Variants in ZCCHC8 observed in about 807,000 individuals in gnomAD.
ZCCHC8 encodes the protein zinc finger CCHC domain-containing protein 8.
ZCCHC8 carries 27 observed loss-of-function variants against 70.6 expected under a neutral mutation model. The ratio of observed to expected loss-of-function variants is 0.38; its 90% CI spans 0.28 to 0.53. The LOEUF is 0.53. Ranked by LOEUF, ZCCHC8 falls within the 20% of genes least tolerant of loss-of-function variation. The pLI is 0.81. For missense variants in ZCCHC8, 737 were observed against 876.9 expected (o/e 0.84, Z 2.01); for synonymous variants, 293 against 317.4 (o/e 0.92, Z 0.82).
intron 2 of ZCCHC8, among the ~76,000 whole-genome samples, chr12:122,497,254 T>C (rs770016881): frequency 1.3e-5 from 2 of 151,638 alleles, no homozygotes; most frequent in African/African-American, 2.4e-5. Flanking sequence ...AAAAAGTTCA[T>C]GTGAGGCCAG....
intron 5 of ZCCHC8, among the ~76,000 whole-genome samples, chr12:122,485,827 C>A (rs1476289389): frequency 6.6e-6 from 1 of 152,140 alleles, no homozygotes; most frequent in Non-Finnish European, 1.5e-5. Context: ...CCCACCACCA[C>A]GCCTGGCTAA....
At position 122,482,681 on chromosome 12, in the gene ZCCHC8, C is replaced by G; in HGVS notation, c.686G>C (p.Cys229Ser). ...GTGTTCTTCAGAACCACAATTGAAACAGTGAGGCTTTGGCCTATTTGGTCA... is the reference window on the plus strand; with the variant it reads ...GTGTTCTTCAGAACCACAATTGAAAGAGTGAGGCTTTGGCCTATTTGGTCA... ...QVKAKRPKPH[C>S]FNCGSEEHQM... The change falls in exon 8 of 14, where the codon TGT becomes TCT. Residue 229 changes from cysteine to serine, a missense_variant. By Grantham distance (112) the Cys-to-Ser change is moderately radical (BLOSUM62 -1). Transcript: ENST00000633063. 1 of 1,607,138 alleles carries G rather than the reference C, an allele frequency of 6.2e-7. No homozygotes were observed. Among genetic ancestry groups the G allele is most frequent in the Non-Finnish European group, 8.5e-7 (1 of 1,176,232 alleles).
At chr12:122,492,941 G>C (rs1780148022) in intron 2 of ZCCHC8, among the ~76,000 whole-genome samples, 152 bp from the exon 3 acceptor site, 1 of 151,862 alleles carries the variant, frequency 6.6e-6, no homozygotes. Context: ...TGAGATCTTG[G>C]ATCACTGCAA....
intron 1 of ZCCHC8, 171 bp from the exon 2 acceptor site, chr12:122,499,040 G>C: frequency 4.6e-6 from 3 of 648,714 alleles, no homozygotes; most frequent in South Asian, 1.9e-5. Context: ...GTAGGCTTTT[G>C]AAACCCAAAA....
intron 2 of ZCCHC8, among the ~76,000 whole-genome samples, chr12:122,494,137 C>T (rs1957789527): frequency 6.6e-6 from 1 of 152,182 alleles, no homozygotes; most frequent in Admixed American, 6.5e-5. Flanking sequence ...TAATATATCC[C>T]ATGGGTAGCC....
At position 122,481,544 on chromosome 12, in the gene ZCCHC8, C is replaced by A; in HGVS notation, c.996G>T (p.Gly332=). ...TACCTTTTCCATCATAGAGTGCAAG[C>A]CCCGAATTCTCCAATTCAGCCTCTT... ...WLKEAELENS[G]LALYDGKDGT... is the part of the protein sequence containing the mutation. The change falls in exon 10 of 14, where the codon GGG becomes GGT. Residue 332 remains glycine (G), a synonymous_variant. Transcript: ENST00000633063. 1 of 1,613,734 alleles carries A rather than the reference C, an allele frequency of 6.2e-7. No individual in the cohort carries two copies. The highest frequency in any genetic ancestry group is 8.5e-7 in the Non-Finnish European group (1 of 1,179,834).
intron 5 of ZCCHC8, among the ~76,000 whole-genome samples, chr12:122,486,562 C>A (rs1957644842): frequency 6.6e-6 from 1 of 151,994 alleles, no homozygotes; most frequent in African/African-American, 2.4e-5. Flanking sequence ...GTGCTCCAGA[C>A]TCCAAGGGCC....
intron 2 of ZCCHC8, among the ~76,000 whole-genome samples, chr12:122,496,863 T>C (rs968338911): frequency 2.0e-5 from 3 of 152,288 alleles, no homozygotes; most frequent in East Asian, 3.9e-4. Flanking sequence ...ATTTGAAATA[T>C]TGGCCGGGTG....
Position 122,490,529 on chromosome 12 carries a change from A to C in ZCCHC8, c.356T>G (p.Leu119Ter). ...CTGCTGTTCCTCAAATCTTTTTACT[A>C]AATTTGATACAAATTCCTCTATTTC... Reference protein sequence around the residue: ...HQEIEEFVSNLVKRFEEQQKN... With the variant: ...HQEIEEFVSN The change falls in exon 4 of 14, where the codon TTA becomes TGA. Residue 119 changes from leucine (L) to a stop codon, truncating the protein, a stop_gained. Coordinates refer to ENST00000633063, the MANE Select transcript of ZCCHC8 (RefSeq NM_017612.5). LOFTEE classifies it high-confidence loss of function. The C allele has an allele frequency of 1.2e-6, 2 of 1,611,724 alleles. No homozygotes were observed. The highest frequency in any genetic ancestry group is 1.7e-6 in the Non-Finnish European group (2 of 1,178,840).
chr12:122,500,482 C>CCG lies in ZCCHC8; in HGVS notation c.199+159_199+160insCG, dbSNP rs374200543. Reference sequence around the variant, plus strand: ...CAGCCTGCGCGCCCCGAACCCTAGACTCTCGGTCCGCCGGCGGGTGACAGA... The same window carrying CCG: ...CAGCCTGCGCGCCCCGAACCCTAGACCGTCTCGGTCCGCCGGCGGGTGACAGA... On this transcript the variant is annotated intron_variant, in intron 1 of 13. Coordinates refer to ENST00000633063, the MANE Select transcript of ZCCHC8 (RefSeq NM_017612.5). The surrounding 1 kb of genome is among the most constrained non-coding windows in gnomAD (Gnocchi z 4.8). 1,534 of 998,048 alleles carry CCG rather than the reference C, an allele frequency of 1.5e-3. 26 individuals carry two copies. Among genetic ancestry groups the CCG allele is most frequent in the South Asian group, 0.012 (719 of 58,680 alleles). 61.8% of individuals were successfully genotyped at this position (998,048 alleles called of 1,614,324 possible). A position where few individuals can be genotyped will look rare whatever the true frequency, so the allele number is the denominator to read the frequency against.
At position 122,474,049 on chromosome 12, in the gene ZCCHC8, C is replaced by A. The variant is rs757213035; in HGVS notation, c.1572G>T (p.Gln524His). 1 of 1,527,048 alleles carries A rather than the reference C, an allele frequency of 6.5e-7. No homozygotes were observed. The highest frequency in any genetic ancestry group is 8.8e-7 in the Non-Finnish European group (1 of 1,140,364). The allele number at this position is 1,527,048 out of a possible 1,614,324, so 94.6% of individuals were successfully genotyped here. ...ALTLEELEEQ[Q>H]RRIWAALEQA... ...GCTCAAGAGCTGCCCAGATCCGCCT[C>A]TGCTGTTCTTCAAGTTCTTCTAGAG... Residue 524 changes from glutamine to histidine, a missense_variant, in exon 14 of 14, where the codon CAG (glutamine) becomes CAT (histidine). Gln to His is a conservative substitution (Grantham distance 24, BLOSUM62 0). Transcript: ENST00000633063.
At chr12:122,475,207 C>T (rs1354333623) in intron 13 of ZCCHC8, among the ~76,000 whole-genome samples, 1 of 150,802 alleles carries the variant, frequency 6.6e-6, no homozygotes, top group Non-Finnish European at 1.5e-5. Flanking sequence ...CCAACATGCC[C>T]GGCTGTTTTG....
intron 4 of ZCCHC8, among the ~76,000 whole-genome samples, chr12:122,489,757 C>G (rs564825647): frequency 2.6e-5 from 4 of 152,224 alleles, no homozygotes; most frequent in Admixed American, 6.5e-5. Context: ...ATAACCCTCA[C>G]AGACCTCAAG....
chr12:122,480,430 C>T, intron 10 of ZCCHC8, 119 bp from the exon 11 acceptor site: 2 of 817,628 alleles, frequency 2.4e-6, no homozygotes, highest in Non-Finnish European at 3.4e-6. Flanking sequence ...TTTGAAATGG[C>T]TTTCAATTTT....
chr12:122,500,818 C>G lies in ZCCHC8; in HGVS notation c.23G>C (p.Gly8Ala). 6.3e-7 allele frequency: 1 copy of G among 1,575,764 alleles called. No homozygotes were observed. Among genetic ancestry groups the G allele is most frequent in the Non-Finnish European group, 8.6e-7 (1 of 1,161,506 alleles). MAAEVYF[G>A]DLELFEPFDH... ...GAACGGCTCGAAGAGCTCTAGATCG[C>G]CAAAATACACCTCTGCGGCCATTTT... The change falls in exon 1 of 14, where the codon GGC (glycine) becomes GCC (alanine). Residue 8 changes from glycine to alanine, a missense_variant. By Grantham distance (60) the Gly-to-Ala change is moderately conservative. Transcript: ENST00000633063. The surrounding 1 kb of genome is among the most constrained non-coding windows in gnomAD (Gnocchi z 4.8).
intron 5 of ZCCHC8, among the ~76,000 whole-genome samples, chr12:122,486,479 A>G (rs1310063646): frequency 6.6e-6 from 1 of 150,838 alleles, no homozygotes; most frequent in Non-Finnish European, 1.5e-5. Context: ...AAAACCCTCT[A>G]TCACTTCTCA....
chr12:122,481,732 G>A, intron 9 of ZCCHC8, 68 bp from the exon 10 acceptor site: 1 of 1,525,732 alleles, frequency 6.6e-7, no homozygotes, highest in Non-Finnish European at 8.9e-7. Context: ...TAGTATTCTG[G>A]TATTTTAAAA....
At chr12:122,480,461 A>G (rs185857122) in intron 10 of ZCCHC8, 150 bp from the exon 11 acceptor site, 1 of 633,634 alleles carries the variant, frequency 1.6e-6, no homozygotes, top group East Asian at 3.4e-5. Flanking sequence ...TTTCTAAATC[A>G]TTAGGACAGA....
At chr12:122,480,735 G>C (rs1310936794) in intron 10 of ZCCHC8, 2 of 153,024 alleles carry the variant, frequency 1.3e-5, no homozygotes, top group Non-Finnish European at 2.9e-5. Flanking sequence ...TCAGCCTCCC[G>C]AGTAGCTGGG....
Sources: gnomAD v4.1 joint callset for allele counts (sites outside exome capture counted in the v4.1 genomes callset) on GRCh38, gnomAD v4.1.1 for gene constraint, Gnocchi (gnomAD v3.1) non-coding constraint, MANE v1.5 for transcripts, NCBI Gene and HGNC (gene_info 2026-07-23, HGNC 2026-07-21) for gene names.